Variants in PPIP5K2 observed in about 807,000 individuals in gnomAD.
The protein encoded by PPIP5K2 is inositol hexakisphosphate and diphosphoinositol-pentakisphosphate kinase 2.
PPIP5K2 carries 105 observed loss-of-function variants against 154.6 expected under a neutral mutation model. The observed-to-expected ratio is 0.68, with a 90% CI of 0.58 to 0.80. The LOEUF is 0.80. Among genes scored for constraint, PPIP5K2 ranks in the 30% least tolerant of loss-of-function variants. The pLI, the probability that PPIP5K2 is intolerant of heterozygous loss-of-function variation, is 0.00. For synonymous variants in PPIP5K2, 480 were observed against 490.3 expected (o/e 0.98, Z 0.28); for missense variants, 992 against 1,504.6 (o/e 0.66, Z 5.64).
chr5:103,128,685 G>A (rs1431285116), intron 1 of PPIP5K2, among the ~76,000 whole-genome samples: 1 of 151,802 alleles, frequency 6.6e-6, no homozygotes, highest in South Asian at 2.1e-4. Flanking sequence ...TTTTTTTTCT[G>A]GGGAGGAGAT....
intron 6 of PPIP5K2, 25 bp downstream of exon 6, chr5:103,146,706 G>A (rs1793810807): frequency 6.4e-7 from 1 of 1,570,514 alleles, no homozygotes; most frequent in Non-Finnish European, 8.7e-7. Flanking sequence ...ACTTTTGTAT[G>A]AATACTCTTC....
intron 1 of PPIP5K2, among the ~76,000 whole-genome samples, chr5:103,122,305 G>A (rs1018362754): frequency 7.9e-5 from 12 of 152,318 alleles, no homozygotes; most frequent in African/African-American, 2.9e-4. Context: ...ATAGAAGATG[G>A]GAGAGGGTTT....
Position 103,178,123 on chromosome 5 carries a change from G to A in PPIP5K2, c.2754+143G>A, listed in dbSNP as rs1359076453. ...AAATGGTTTAAATTTTTTAAAGTGT[G>A]ATTTGTATAGACTGTACTTTTATGC... is the stretch of plus-strand genomic sequence containing the variant. On this transcript the variant is annotated intron_variant, in intron 23 of 30. Coordinates refer to ENST00000358359, the MANE Select transcript of PPIP5K2 (RefSeq NM_001276277.3). The A allele has an allele frequency of 1.1e-5, 7 of 630,868 alleles. No homozygotes were observed. In the Admixed American group the frequency reaches 1.7e-4, roughly 15 times the overall value. 39.1% of individuals were successfully genotyped at this position (630,868 alleles called of 1,614,324 possible). A position where few individuals can be genotyped will look rare whatever the true frequency, so the allele number is the denominator to read the frequency against.
chr5:103,176,643 ATGT>A (rs1610956), intron 21 of PPIP5K2, among the ~76,000 whole-genome samples: 36,580 of 151,646 alleles, frequency 0.24, 5,046 homozygotes, highest in East Asian at 0.45. Context: ...CAAAAAGGAA[ATGT>A]TGTCCTTTTA....
intron 3 of PPIP5K2, among the ~76,000 whole-genome samples, chr5:103,134,430 A>G (rs1791129865): frequency 6.6e-6 from 1 of 152,166 alleles, no homozygotes; most frequent in Non-Finnish European, 1.5e-5. Context: ...ATCACTTGTT[A>G]CCAAAATATG....
At chr5:103,194,389 AG>A (rs1801731747) in intron 29 of PPIP5K2, among the ~76,000 whole-genome samples, 1 of 152,186 alleles carries the variant, frequency 6.6e-6, no homozygotes, top group Non-Finnish European at 1.5e-5. Flanking sequence ...CCTGGGGTCA[AG>A]CGATCCTCCT....
chr5:103,190,704 C>G, intron 28 of PPIP5K2, 138 bp from the exon 29 acceptor site: 2 of 630,596 alleles, frequency 3.2e-6, no homozygotes, highest in Non-Finnish European at 4.9e-6. Context: ...GTCATGACTT[C>G]AGAGATATTG....
At chr5:103,190,273 G>C (rs148822693) in intron 28 of PPIP5K2, among the ~76,000 whole-genome samples, 13 of 152,026 alleles carry the variant, frequency 8.6e-5, no homozygotes, top group African/African-American at 2.9e-4. Context: ...ATAATTATGT[G>C]TTAATTCAGT....
At chr5:103,122,182 CT>C (rs1554199276) in intron 1 of PPIP5K2, among the ~76,000 whole-genome samples, 1 of 152,082 alleles carries the variant, frequency 6.6e-6, no homozygotes, top group African/African-American at 2.4e-5. Context: ...ACAAACTGTT[CT>C]TTCAACTTTT....
At chr5:103,156,543 A>G (rs1050032320) in intron 14 of PPIP5K2, among the ~76,000 whole-genome samples, 1 of 152,212 alleles carries the variant, frequency 6.6e-6, no homozygotes, top group East Asian at 1.9e-4. Context: ...TCATAGAGAA[A>G]TGCAGATGAC....
At chr5:103,144,237 C>A (rs1793355568) in intron 5 of PPIP5K2, among the ~76,000 whole-genome samples, 1 of 151,382 alleles carries the variant, frequency 6.6e-6, no homozygotes, top group Admixed American at 6.6e-5. Context: ...TGAAAGATCT[C>A]TTCTACAATG....
chr5:103,157,368 C>T (rs114883478), intron 14 of PPIP5K2, among the ~76,000 whole-genome samples: 4,719 of 152,066 alleles, frequency 0.031, 256 homozygotes, highest in African/African-American at 0.11. Flanking sequence ...TCTTGAATAC[C>T]TTTTGTTTGC....
At chr5:103,149,046 T>C in intron 7 of PPIP5K2, 106 bp from the exon 8 acceptor site, 1 of 928,196 alleles carries the variant, frequency 1.1e-6, no homozygotes, top group Admixed American at 3.5e-5. Context: ...GCCTGGATTC[T>C]GAACTATTTT....
rs374247352 is a variant in PPIP5K2, at chr5:103,143,644, C to CTA, written c.488-2882_488-2881dup. ...TCTTGCAACAAAACACTTAGAGTTG[C>CTA]TAAATGGATTAAAAAATAAGATCCA... On this transcript the variant is annotated intron_variant, in intron 5 of 30. Coordinates refer to ENST00000358359, the MANE Select transcript of PPIP5K2 (RefSeq NM_001276277.3). 3.8e-3 allele frequency among the ~76,000 whole-genome samples: 586 copies of CTA among 152,212 alleles called. 2 individuals carry two copies. Among genetic ancestry groups the CTA allele is most frequent in the African/African-American group, 0.013 (551 of 41,534 alleles).
In PPIP5K2 at chr5:103,129,505, G is replaced by A; in HGVS notation, c.-85G>A. 1 of 1,122,804 alleles carries A rather than the reference G, an allele frequency of 8.9e-7. No homozygotes were observed. Among genetic ancestry groups the A allele is most frequent in the South Asian group, 1.8e-5 (1 of 55,860 alleles). The allele number at this position is 1,122,804 out of a possible 1,614,324, so 69.6% of individuals were successfully genotyped here. A position where few individuals can be genotyped will look rare whatever the true frequency, so the allele number is the denominator to read the frequency against. ...AGACCTGTGCGTCAGCTAATATATG[G>A]AGAATGCTTTCTTCTGATACTATTT... On this transcript the variant is annotated 5_prime_UTR_variant, in exon 2 of 31. Transcript: ENST00000358359.
At chr5:103,153,980 G>A in intron 11 of PPIP5K2, 46 bp downstream of exon 11, 1 of 1,388,246 alleles carries the variant, frequency 7.2e-7, no homozygotes, top group Non-Finnish European at 1.0e-6. Flanking sequence ...ACAATTTTAA[G>A]ATTTCTGATA....
At chr5:103,129,032 T>A (rs425789) in intron 1 of PPIP5K2, among the ~76,000 whole-genome samples, 2 of 152,210 alleles carry the variant, frequency 1.3e-5, no homozygotes, top group African/African-American at 4.8e-5. Flanking sequence ...TTAATTAGTT[T>A]AGCTATTTTG....
intron 17 of PPIP5K2, among the ~76,000 whole-genome samples, chr5:103,162,350 C>CTTTTTT (rs200973581): frequency 1.7e-4 from 24 of 138,496 alleles, no homozygotes; most frequent in East Asian, 6.3e-4. Context: ...GATGTGTTTT[C>CTTTTTT]TTTTTTTTTT....
At chr5:103,127,091 G>T (rs1789813586) in intron 1 of PPIP5K2, among the ~76,000 whole-genome samples, 1 of 151,952 alleles carries the variant, frequency 6.6e-6, no homozygotes, top group East Asian at 1.9e-4. Context: ...TACTCTAAAA[G>T]GCTAAAAAAA....
Sources: allele counts gnomAD v4.1 joint callset (sites outside exome capture counted in the v4.1 genomes callset), GRCh38; gene constraint gnomAD v4.1.1; transcripts MANE v1.5; gene names NCBI Gene and HGNC (gene_info 2026-07-23, HGNC 2026-07-21).